PRRG2: variants seen among roughly 807,000 people sequenced by gnomAD.
PRRG2 encodes the protein transmembrane gamma-carboxyglutamic acid protein 2.
A neutral mutation model predicts 27.1 loss-of-function variants in PRRG2; 23 were observed. The observed-to-expected ratio is 0.85, with a 90% CI of 0.61 to 1.20. The LOEUF (loss-of-function observed/expected upper bound fraction) is 1.20, where lower values mean the gene tolerates loss of function less well. Ranked by LOEUF, PRRG2 falls within the 50% of genes most tolerant of loss-of-function variation. The pLI is 0.00. For missense variants in PRRG2, 276 were observed against 254.8 expected, an observed-to-expected ratio of 1.08 and a Z score of -0.57; for synonymous variants, 104 against 103.4, an observed-to-expected ratio of 1.01 and a Z score of -0.03.
At position 49,590,272 on chromosome 19, in the gene PRRG2, G is replaced by C. The variant is rs1163859636; in HGVS notation, c.591-99G>C. 2.6e-6 allele frequency: 4 copies of C among 1,567,554 alleles called. No homozygotes were observed. The African/African-American group carries it at 4.1e-5, about 16-fold the overall frequency. ...TGGGGCCTGTGCCCAGAGGGTCCTG[G>C]ATTGGCTGAGACGCCAAGGGCGGTC... On this transcript the variant is annotated intron_variant, in intron 6 of 6. Coordinates refer to ENST00000246794, the MANE Select transcript of PRRG2 (RefSeq NM_000951.3).
At chr19:49,583,992 A>AG in intron 4 of PRRG2, 40 bp downstream of exon 4, 2 of 1,576,386 alleles carry the variant, frequency 1.3e-6, no homozygotes, top group Non-Finnish European at 1.7e-6. Context: ...TGTGCAGCTA[A>AG]GGTAGTCCCT....
At chr19:49,583,449 C>A (rs1397860592) in intron 2 of PRRG2, 93 bp from the exon 3 acceptor site, 1 of 1,528,112 alleles carries the variant, frequency 6.5e-7, no homozygotes, top group Non-Finnish European at 8.9e-7. Flanking sequence ...CCAGCCCCTG[C>A]TCCTTCCTCC....
In PRRG2 at chr19:49,590,642, T is replaced by A; in HGVS notation, c.*253T>A. ...ACTCTCCTGACCGTGAGGGCACTGG[T>A]CAGTTCCGCCCCCGTGGTAGGCAGA... On this transcript the variant is annotated 3_prime_UTR_variant, in exon 7 of 7. Transcript: ENST00000246794. 1.8e-6 allele frequency: 1 copy of A among 565,070 alleles called. No homozygotes were observed. The allele number at this position is 565,070 out of a possible 1,614,324, so 35.0% of individuals were successfully genotyped here.
Position 49,590,062 on chromosome 19 carries a change from G to A in PRRG2, c.590+10G>A. Reference sequence around the variant, plus strand: ...CACCCCCCTACACCAGGTATGGGGCGTGGCTTCTGCCCGGGGGCGGGGCGC... The same window carrying A: ...CACCCCCCTACACCAGGTATGGGGCATGGCTTCTGCCCGGGGGCGGGGCGC... On this transcript the variant is annotated intron_variant, in intron 6 of 6. Coordinates refer to ENST00000246794, the MANE Select transcript of PRRG2 (RefSeq NM_000951.3). 6.7e-7 allele frequency: 1 copy of A among 1,490,620 alleles called. No homozygotes were observed. The highest frequency in any genetic ancestry group is 8.9e-7 in the Non-Finnish European group (1 of 1,126,232). 92.3% of individuals were successfully genotyped at this position (1,490,620 alleles called of 1,614,324 possible).
intron 4 of PRRG2, 58 bp downstream of exon 4, chr19:49,584,010 G>C: frequency 1.2e-5 from 18 of 1,523,792 alleles, no homozygotes; most frequent in Non-Finnish European, 1.3e-5. Flanking sequence ...CCTTCCCAGC[G>C]AGGCCAAACC....
chr19:49,587,107 G>A lies in PRRG2; in HGVS notation c.302-1390G>A, dbSNP rs193088420. The stretch of plus-strand genomic sequence containing the variant: ...TGGAGACCAAGTGGCAGTAAGCCGC[G>A]ATTGTGCCACTGCACTCCATACAGA... On this transcript the variant is annotated intron_variant, in intron 4 of 6. Coordinates refer to ENST00000246794, the MANE Select transcript of PRRG2 (RefSeq NM_000951.3). Among the ~76,000 whole-genome samples, 14 of 151,114 alleles carry A rather than the reference G, an allele frequency of 9.3e-5. No individual in the cohort carries two copies. The East Asian group carries it at 1.6e-3, about 17-fold the overall frequency.
At chr19:49,585,028 C>T (rs2080658688) in intron 4 of PRRG2, among the ~76,000 whole-genome samples, 1 of 152,196 alleles carries the variant, frequency 6.6e-6, no homozygotes, top group Non-Finnish European at 1.5e-5. Context: ...TGAGGGGTTG[C>T]CATCTTGTTC....
Position 49,590,601 on chromosome 19 carries a change from C to T in PRRG2, c.*212C>T. The T allele has an allele frequency of 1.5e-6, 1 of 648,304 alleles. No homozygotes were observed. Among genetic ancestry groups the T allele is most frequent in the Non-Finnish European group, 2.6e-6 (1 of 380,586 alleles). 40.2% of individuals were successfully genotyped at this position (648,304 alleles called of 1,614,324 possible). A position where few individuals can be genotyped will look rare whatever the true frequency, so the allele number is the denominator to read the frequency against. On this transcript the variant is annotated 3_prime_UTR_variant, in exon 7 of 7. Coordinates refer to ENST00000246794, the MANE Select transcript of PRRG2 (RefSeq NM_000951.3). ...GGCAACGTGTTCCCGTGTCCTGGCC[C>T]CTCACGGGCCCCCACACTCTCCTGA... is the stretch of plus-strand genomic sequence containing the variant.
chr19:49,590,338 C>T (rs905322184), intron 6 of PRRG2, 33 bp from the exon 7 acceptor site: 2 of 1,613,918 alleles, frequency 1.2e-6, no homozygotes, highest in East Asian at 4.5e-5. Flanking sequence ...ACAGCCAGAT[C>T]TTTGACTCCC....
intron 1 of PRRG2, 56 bp downstream of exon 1, chr19:49,581,537 C>G (rs1476440231): frequency 2.6e-5 from 4 of 152,184 alleles, no homozygotes; most frequent in African/African-American, 9.7e-5. Context: ...CATCCTGGCT[C>G]CCCGCCCCTC....
At position 49,589,933 on chromosome 19, in the gene PRRG2, C is replaced by A. The variant is rs1334426215; in HGVS notation, c.471C>A (p.Asn157Lys). ...AGLISPLSPL[N>K]PLGPPTPLPP... ...TCATTAGCCCTCTGAGTCCTTTGAA[C>A]CCTCTGGGCCCACCGACGCCCCTGC... The change falls in exon 6 of 7, where the codon AAC (asparagine) becomes AAA (lysine). Residue 157 changes from asparagine (N) to lysine (K), a missense_variant. Coordinates refer to ENST00000246794, the MANE Select transcript of PRRG2 (RefSeq NM_000951.3). 6.2e-7 allele frequency: 1 copy of A among 1,611,544 alleles called. No homozygotes were observed. Among genetic ancestry groups the A allele is most frequent in the East Asian group, 2.2e-5 (1 of 44,872 alleles).
intron 4 of PRRG2, among the ~76,000 whole-genome samples, chr19:49,584,613 C>T (rs2080655593): frequency 6.6e-6 from 1 of 152,172 alleles, no homozygotes; most frequent in Admixed American, 6.6e-5. Flanking sequence ...GGACTCCAGG[C>T]ACACATTACC....
At chr19:49,587,694 A>G (rs1400906427) in intron 4 of PRRG2, among the ~76,000 whole-genome samples, 1 of 151,694 alleles carries the variant, frequency 6.6e-6, no homozygotes, top group Admixed American at 6.6e-5. Flanking sequence ...CATGTTGGCC[A>G]GGCTGGTCTC....
intron 4 of PRRG2, 46 bp downstream of exon 4, chr19:49,583,998 T>C (rs2080649681): frequency 6.4e-7 from 1 of 1,567,452 alleles, no homozygotes; most frequent in Non-Finnish European, 8.7e-7. Context: ...GCTAAGGTAG[T>C]CCCTTCCCAG....
At chr19:49,590,183 GGGGCCC>G in intron 6 of PRRG2, 131 bp downstream of exon 6, 1 of 1,394,054 alleles carries the variant, frequency 7.2e-7, no homozygotes, top group East Asian at 2.3e-5. Flanking sequence ...GTGCGGGGGC[GGGGCCC>G]CATGCAATGG....
rs113397875 is a variant in PRRG2, at chr19:49,586,832, A to G, written c.302-1665A>G. The stretch of plus-strand genomic sequence containing the variant: ...CGCCACTGCACGCCAGCCTGGTGAC[A>G]GAGCAAGACTCCGTCTCAAAACAAA... On this transcript the variant is annotated intron_variant, in intron 4 of 6. Transcript: ENST00000246794. Among the ~76,000 whole-genome samples the G allele has an allele frequency of 3.9e-3, 594 of 152,236 alleles. 3 individuals carry two copies. The highest frequency in any genetic ancestry group is 0.014 in the African/African-American group (578 of 41,562).
chr19:49,590,727 A>T lies in PRRG2; in HGVS notation c.*338A>T, dbSNP rs1012758144. 6 of 401,408 alleles carry T rather than the reference A, an allele frequency of 1.5e-5. No individual in the cohort carries two copies. Among genetic ancestry groups the T allele is most frequent in the Non-Finnish European group, 2.8e-5 (6 of 217,726 alleles). 24.9% of individuals were successfully genotyped at this position (401,408 alleles called of 1,614,324 possible). ...CGGCTGTGCCATCTTGTGTATGGGC[A>T]GATATGACCTGACAGCCCCCTCCAG... On this transcript the variant is annotated 3_prime_UTR_variant, in exon 7 of 7. Transcript: ENST00000246794.
chr19:49,582,248 A>AAC (rs2080631578), intron 1 of PRRG2, among the ~76,000 whole-genome samples: 1 of 149,382 alleles, frequency 6.7e-6, no homozygotes, highest in South Asian at 2.1e-4. Flanking sequence ...CTAAAAAAAA[A>AAC]AAAAAAAAAA....
At chr19:49,584,153 T>C (rs2080650937) in intron 4 of PRRG2, among the ~76,000 whole-genome samples, 1 of 151,734 alleles carries the variant, frequency 6.6e-6, no homozygotes, top group Non-Finnish European at 1.5e-5. Context: ...CCTTATTTTA[T>C]TTTTAAATAT....
Sources: allele counts gnomAD v4.1 joint callset (sites outside exome capture counted in the v4.1 genomes callset), GRCh38; gene constraint gnomAD v4.1.1; transcripts MANE v1.5; gene names NCBI Gene and HGNC (gene_info 2026-07-23, HGNC 2026-07-21).